The following RIMS3 variants were observed in gnomAD, a reference collection of about 807,000 sequenced individuals.
The protein encoded by RIMS3 is regulating synaptic membrane exocytosis protein 3.
RIMS3 carries 15 observed loss-of-function variants against 29.2 expected under a neutral mutation model. The ratio of observed to expected loss-of-function variants is 0.51; its 90% CI spans 0.34 to 0.79. The LOEUF (loss-of-function observed/expected upper bound fraction) is 0.79, where lower values mean the gene tolerates loss of function less well. Ranked by LOEUF, RIMS3 falls within the 30% of genes least tolerant of loss-of-function variation. The pLI is 0.01. For missense variants in RIMS3, 342 were observed against 421.4 expected, an observed-to-expected ratio of 0.81 and a Z score of 1.65; for synonymous variants, 161 against 170.1, an observed-to-expected ratio of 0.95 and a Z score of 0.41.
chr1:40,659,586 C>A (rs973506562), intron 1 of RIMS3, among the ~76,000 whole-genome samples: 12 of 152,130 alleles, frequency 7.9e-5, no homozygotes, highest in African/African-American at 2.7e-4. Context: ...TTCCTGAGCC[C>A]ACAGAGTTCA....
intron 5 of RIMS3, among the ~76,000 whole-genome samples, chr1:40,632,447 T>TGCC: frequency 1.6e-5 from 2 of 128,646 alleles, no homozygotes; most frequent in Non-Finnish European, 3.2e-5. Flanking sequence ...TATATATATA[T>TGCC]ATATATATAT....
At chr1:40,639,638 C>T (rs1173806494) in intron 3 of RIMS3, among the ~76,000 whole-genome samples, 3 of 152,154 alleles carry the variant, frequency 2.0e-5, no homozygotes, top group Non-Finnish European at 2.9e-5. Flanking sequence ...AGGCAGCAGG[C>T]TCAGAGAGGT....
At chr1:40,629,706 T>A (rs1376317916) in intron 5 of RIMS3, among the ~76,000 whole-genome samples, 1 of 152,130 alleles carries the variant, frequency 6.6e-6, no homozygotes, top group African/African-American at 2.4e-5. Context: ...AGGACAGAGC[T>A]TCCTGTGTCA....
At chr1:40,674,628 C>T in the RIMS3 span, among the ~76,000 whole-genome samples, 16 of 152,118 alleles carry the variant, frequency 1.1e-4, no homozygotes, top group Non-Finnish European at 1.9e-4. Flanking sequence ...AAATTAATGA[C>T]GATATTGAGG....
In RIMS3 at chr1:40,635,638, TGGTGGGA is replaced by T. The variant is rs1353565838; in HGVS notation, c.359+271_359+277del. ...CCTCTGGAGCAGGGCAGTGTGTGCG[TGGTGGGA>T]GGTGGGAGGTGGGAGGTAAGGGTCC... On this transcript the variant is annotated intron_variant, in intron 4 of 7. Transcript: ENST00000372684. The surrounding 1 kb of genome is among the most constrained non-coding windows in gnomAD (Gnocchi z 4.1). 6.6e-6 allele frequency among the ~76,000 whole-genome samples: 1 copy of T among 152,022 alleles called. No homozygotes were observed. Among genetic ancestry groups the T allele is most frequent in the Admixed American group, 6.6e-5 (1 of 15,248 alleles).
chr1:40,663,073 T>G (rs1297921141), intron 1 of RIMS3, among the ~76,000 whole-genome samples: 1 of 152,036 alleles, frequency 6.6e-6, no homozygotes, highest in Non-Finnish European at 1.5e-5. Flanking sequence ...GTGAGGTCAG[T>G]GATATACCAG....
At chr1:40,686,068 G>A in the RIMS3 span, among the ~76,000 whole-genome samples, 2 of 152,118 alleles carry the variant, frequency 1.3e-5, no homozygotes, top group African/African-American at 2.4e-5. Flanking sequence ...AGAATAGCTC[G>A]AACCTGGGAG....
intron 5 of RIMS3, among the ~76,000 whole-genome samples, chr1:40,629,847 C>T (rs980044926): frequency 1.3e-5 from 2 of 151,870 alleles, no homozygotes; most frequent in East Asian, 1.9e-4. Context: ...GAGGCAGAGG[C>T]GGGCAGATCA....
At position 40,654,247 on chromosome 1, in the gene RIMS3, C is replaced by G. The variant is rs1374813227; in HGVS notation, c.-206-6405G>C. Among the ~76,000 whole-genome samples the G allele has an allele frequency of 6.6e-6, 1 of 152,130 alleles. No homozygotes were observed. Among genetic ancestry groups the G allele is most frequent in the African/African-American group, 2.4e-5 (1 of 41,428 alleles). On this transcript the variant is annotated intron_variant, in intron 1 of 7. Coordinates refer to ENST00000372684, the MANE Select transcript of RIMS3 (RefSeq NM_014747.3). This position sits in a 1 kb window ranked among gnomAD's most constrained non-coding sequence, Gnocchi z 5.3. ...GGGGCTCCAGTTACCAGCCCCGCAC[C>G]AAGCCGGAAGGCGCCGCCCGCGCCT...
At chr1:40,679,338 C>T in the RIMS3 span, among the ~76,000 whole-genome samples, 2 of 152,178 alleles carry the variant, frequency 1.3e-5, no homozygotes, top group African/African-American at 4.8e-5. Flanking sequence ...TTCCCATTGA[C>T]CAAATATGAC....
At chr1:40,670,843 G>A in the RIMS3 span, among the ~76,000 whole-genome samples, 1 of 151,612 alleles carries the variant, frequency 6.6e-6, no homozygotes, top group African/African-American at 2.4e-5. Flanking sequence ...CTCCCAAAGT[G>A]CTGGGATTAC....
chr1:40,673,436 C>T, the RIMS3 span: 1 of 152,260 alleles, frequency 6.6e-6, no homozygotes, highest in Non-Finnish European at 1.5e-5. Context: ...CCTCTGGCCT[C>T]ATCTTCACAT....
Position 40,626,387 on chromosome 1 carries a change from G to A in RIMS3, c.*130C>T, listed in dbSNP as rs1341530668. On this transcript the variant is annotated 3_prime_UTR_variant, in exon 8 of 8. Transcript: ENST00000372684. ...TACAGTCTCCACTGCCAGCTGGGAT[G>A]AGCCCAGTAGCCAACAGGCATGCAG... 1.4e-5 allele frequency: 12 copies of A among 845,182 alleles called. No homozygotes were observed. The highest frequency in any genetic ancestry group is 2.1e-5 in the Non-Finnish European group (11 of 517,252). 52.4% of individuals were successfully genotyped at this position (845,182 alleles called of 1,614,324 possible).
intron 3 of RIMS3, 120 bp downstream of exon 3, chr1:40,641,589 A>G: frequency 1.1e-6 from 1 of 936,284 alleles, no homozygotes; most frequent in Non-Finnish European, 1.6e-6. Flanking sequence ...GTGTATGGGA[A>G]GGGCCACAGT....
rs1186680869 is a variant in RIMS3, at chr1:40,635,677, G to T, written c.359+239C>A. 6.6e-6 allele frequency among the ~76,000 whole-genome samples: 1 copy of T among 152,224 alleles called. No individual in the cohort carries two copies. Among genetic ancestry groups the T allele is most frequent in the Non-Finnish European group, 1.5e-5 (1 of 68,046 alleles). ...AGGTGGGAGGTAAGGGTCCCTTCCTGAAACATACAGAAGGAACTGATAGCT... is the reference window on the plus strand; with the variant it reads ...AGGTGGGAGGTAAGGGTCCCTTCCTTAAACATACAGAAGGAACTGATAGCT... On this transcript the variant is annotated intron_variant, in intron 4 of 7. Coordinates refer to ENST00000372684, the MANE Select transcript of RIMS3 (RefSeq NM_014747.3). This position sits in a 1 kb window ranked among gnomAD's most constrained non-coding sequence, Gnocchi z 4.1.
chr1:40,650,348 C>A (rs1646623788), intron 1 of RIMS3, among the ~76,000 whole-genome samples: 1 of 152,194 alleles, frequency 6.6e-6, no homozygotes, highest in Non-Finnish European at 1.5e-5. Flanking sequence ...CCGCCTGAGT[C>A]AGTTTTGGGA....
At chr1:40,680,330 G>GTT in the RIMS3 span, among the ~76,000 whole-genome samples, 3,703 of 127,120 alleles carry the variant, frequency 0.029, 81 homozygotes, top group Non-Finnish European at 0.033. Context: ...AGAGTAAATA[G>GTT]TTTTTTTTTT....
At position 40,625,345 on chromosome 1, in the gene RIMS3, G is replaced by C. The variant is rs923782366; in HGVS notation, c.*1172C>G. ...GACAGAGCTGGTGATGGTGGCAGAC[G>C]AGAGTCCGGAGCCAGGCTGCTGGAG... is the stretch of plus-strand genomic sequence containing the variant. On this transcript the variant is annotated 3_prime_UTR_variant, in exon 8 of 8. Transcript: ENST00000372684. 6.5e-6 allele frequency: 1 copy of C among 152,740 alleles called. No individual in the cohort carries two copies. Among genetic ancestry groups the C allele is most frequent in the Non-Finnish European group, 1.5e-5 (1 of 68,144 alleles). The allele number at this position is 152,740 out of a possible 1,614,324, so 9.5% of individuals were successfully genotyped here. A position where few individuals can be genotyped will look rare whatever the true frequency, so the allele number is the denominator to read the frequency against.
At chr1:40,629,015 C>T in intron 6 of RIMS3, 66 bp from the exon 7 acceptor site, 1 of 1,592,542 alleles carries the variant, frequency 6.3e-7, no homozygotes, top group Non-Finnish European at 8.6e-7. Context: ...TGCCCATCCC[C>T]TAACTGCCAG....
Sources: gnomAD v4.1 joint callset for allele counts (sites outside exome capture counted in the v4.1 genomes callset) on GRCh38, gnomAD v4.1.1 for gene constraint, Gnocchi (gnomAD v3.1) non-coding constraint, MANE v1.5 for transcripts, NCBI Gene and HGNC (gene_info 2026-07-23, HGNC 2026-07-21) for gene names.